The following MSI2 variants were observed in gnomAD, a reference collection of about 807,000 sequenced individuals.
The protein encoded by MSI2 is RNA-binding protein Musashi homolog 2.
In MSI2, 17 loss-of-function variants were observed where a neutral mutation model predicts 45.6. The observed-to-expected ratio is 0.37, with a 90% CI of 0.26 to 0.56. The LOEUF (loss-of-function observed/expected upper bound fraction) is 0.56, where lower values mean the gene tolerates loss of function less well. Among genes scored for constraint, MSI2 ranks in the 20% least tolerant of loss-of-function variants. The pLI is 0.77. For synonymous variants in MSI2, 156 were observed against 158.2 expected (o/e 0.99, Z 0.11); for missense variants, 293 against 444.2 (o/e 0.66, Z 3.06).
chr17:57,558,900 A>G (rs189343028), intron 7 of MSI2, among the ~76,000 whole-genome samples: 1 of 152,188 alleles, frequency 6.6e-6, no homozygotes, highest in East Asian at 1.9e-4. Flanking sequence ...ATCTCTACTA[A>G]AAATACAAAA....
At chr17:57,431,864 A>T (rs932025109) in intron 6 of MSI2, among the ~76,000 whole-genome samples, 3 of 152,184 alleles carry the variant, frequency 2.0e-5, no homozygotes, top group Non-Finnish European at 4.4e-5. Context: ...TGGGCAAGTC[A>T]GCCAGTTGGT....
chr17:57,648,720 G>A (rs1323132861), intron 10 of MSI2, among the ~76,000 whole-genome samples: 2 of 152,168 alleles, frequency 1.3e-5, no homozygotes, highest in Non-Finnish European at 1.5e-5. Flanking sequence ...GAGGCCCTAT[G>A]AAGAAGCCTT....
chr17:57,275,990 GAA>G (rs568549733), intron 5 of MSI2, among the ~76,000 whole-genome samples: 1 of 152,164 alleles, frequency 6.6e-6, no homozygotes, highest in Non-Finnish European at 1.5e-5. Context: ...TCCTTGGAGA[GAA>G]AGAGTCTTGG....
At chr17:57,339,603 C>T (rs754858939) in intron 5 of MSI2, among the ~76,000 whole-genome samples, 1 of 152,138 alleles carries the variant, frequency 6.6e-6, no homozygotes, top group Non-Finnish European at 1.5e-5. Flanking sequence ...AACTTCTCAG[C>T]CTTTCGTTTC....
At position 57,675,184 on chromosome 17, in the gene MSI2, G is replaced by T. The variant is rs2144751933; in HGVS notation, c.945+58G>T. On this transcript the variant is annotated intron_variant, in intron 12 of 13. Coordinates refer to ENST00000284073, the MANE Select transcript of MSI2 (RefSeq NM_138962.4). ...CCTCCTTCCTGACCAGCTCCTTGTG[G>T]CCTGTGGGTGTGCCAGGAAAGCCCA... is the stretch of plus-strand genomic sequence containing the variant. 3.3e-6 allele frequency: 5 copies of T among 1,534,680 alleles called. No homozygotes were observed. The Admixed American group carries it at 7.3e-5, about 22-fold the overall frequency.
intron 5 of MSI2, among the ~76,000 whole-genome samples, chr17:57,300,054 G>A (rs867816558): frequency 3.9e-5 from 6 of 152,156 alleles, no homozygotes; most frequent in East Asian, 1.9e-4. Flanking sequence ...ACACAGCACC[G>A]TGGACCCACG....
rs973605282 is a variant in MSI2 at position 57,631,918 on chromosome 17, G to A, written c.727+4615G>A. ...CCCGGCCTGGGCTGCCCCCGCTCCA[G>A]TCAATGCTCACTGAAAGTCTGTCTT... On this transcript the variant is annotated intron_variant, in intron 10 of 13. Transcript: ENST00000284073. The A allele has an allele frequency of 1.9e-6, 3 of 1,558,968 alleles. No individual in the cohort carries two copies. In the African/African-American group the frequency reaches 4.1e-5, roughly 21 times the overall value.
At chr17:57,437,886 G>C (rs1169637866) in intron 6 of MSI2, among the ~76,000 whole-genome samples, 1 of 152,022 alleles carries the variant, frequency 6.6e-6, no homozygotes, top group African/African-American at 2.4e-5. Context: ...AGGCAACAAT[G>C]GTCTCACCTT....
At chr17:57,494,356 G>C (rs2143824673) in intron 6 of MSI2, among the ~76,000 whole-genome samples, 1 of 152,322 alleles carries the variant, frequency 6.6e-6, no homozygotes, top group South Asian at 2.1e-4. Flanking sequence ...CCATGATGCA[G>C]AAGCGTCCCG....
At chr17:57,263,837 G>A (rs1907531295) in intron 5 of MSI2, 1 of 152,228 alleles carries the variant, frequency 6.6e-6, no homozygotes, top group Non-Finnish European at 1.5e-5. Context: ...CATCTGGAAT[G>A]TTTGTAGGTG....
At chr17:57,300,545 A>T (rs1212187651) in intron 5 of MSI2, among the ~76,000 whole-genome samples, 1 of 152,172 alleles carries the variant, frequency 6.6e-6, no homozygotes, top group African/African-American at 2.4e-5. Context: ...TTCCACTGGG[A>T]ATGCCTCATT....
intron 5 of MSI2, among the ~76,000 whole-genome samples, chr17:57,344,613 A>G (rs183526070): frequency 6.6e-6 from 1 of 152,156 alleles, no homozygotes; most frequent in South Asian, 2.1e-4. Context: ...TCTCTAGGCC[A>G]TTTCAGTGGA....
At chr17:57,473,978 C>A (rs1315082083) in intron 6 of MSI2, among the ~76,000 whole-genome samples, 3 of 152,076 alleles carry the variant, frequency 2.0e-5, no homozygotes, top group East Asian at 1.9e-4. Flanking sequence ...CTGTTTTTTT[C>A]GGTTTTGTTT....
chr17:57,507,557 A>T (rs889049401), intron 6 of MSI2, among the ~76,000 whole-genome samples: 1 of 152,170 alleles, frequency 6.6e-6, no homozygotes, highest in Non-Finnish European at 1.5e-5. Context: ...GCCAAGATTG[A>T]TTATGCTGTT....
chr17:57,509,619 C>T (rs1001341915), intron 6 of MSI2, among the ~76,000 whole-genome samples: 18 of 152,082 alleles, frequency 1.2e-4, no homozygotes, highest in Non-Finnish European at 2.1e-4. Flanking sequence ...TGGTGTTTCA[C>T]CATGTTGGCC....
At chr17:57,693,416 C>CCTGCCT in the MSI2 span, among the ~76,000 whole-genome samples, 95,267 of 151,210 alleles carry the variant, frequency 0.63, 30,489 homozygotes, top group African/African-American at 0.75. Flanking sequence ...TCCTGGCCCA[C>CCTGCCT]CTGCCTCTGC....
intron 5 of MSI2, among the ~76,000 whole-genome samples, chr17:57,361,798 C>T (rs1434788843): frequency 6.6e-6 from 1 of 152,128 alleles, no homozygotes; most frequent in East Asian, 1.9e-4. Flanking sequence ...TATAAGTGGA[C>T]CCACATGGTT....
intron 5 of MSI2, among the ~76,000 whole-genome samples, chr17:57,301,868 G>A (rs1467838772): frequency 6.6e-6 from 1 of 151,886 alleles, no homozygotes; most frequent in East Asian, 1.9e-4. Context: ...GAGTGGAATT[G>A]CTGAGTCTTA....
At chr17:57,408,956 T>C (rs1473697663) in intron 6 of MSI2, among the ~76,000 whole-genome samples, 1 of 152,244 alleles carries the variant, frequency 6.6e-6, no homozygotes, top group East Asian at 1.9e-4. Flanking sequence ...CCATTTTCTT[T>C]CTTTATTTTC....
Sources: gnomAD v4.1 joint callset for allele counts (sites outside exome capture counted in the v4.1 genomes callset) on GRCh38, gnomAD v4.1.1 for gene constraint, MANE v1.5 for transcripts, NCBI Gene and HGNC (gene_info 2026-07-23, HGNC 2026-07-21) for gene names.